Variants in NRL observed in about 807,000 individuals in gnomAD.
NRL encodes the protein neural retina leucine zipper, also known as neural retina-specific leucine zipper protein.
Under a neutral mutation model 12.5 loss-of-function variants are expected in NRL, and 16 were observed. The observed-to-expected ratio is 1.28, with a 90% CI of 0.87 to 1.95. NRL has a LOEUF of 1.95. Ranked by LOEUF, NRL falls within the 30% of genes most tolerant of loss-of-function variation. The probability of loss-of-function intolerance (pLI) is 0.00; values close to 1 mark genes in which losing one functional copy is unlikely to be tolerated. For synonymous variants in NRL, 142 were observed against 150.9 expected, an observed-to-expected ratio of 0.94 and a Z score of 0.43; for missense variants, 314 against 325.8, an observed-to-expected ratio of 0.96 and a Z score of 0.28.
At chr14:24,102,700 G>T in intron 1 of NRL, 1 of 1,524,704 alleles carries the variant, frequency 6.6e-7, no homozygotes, top group Non-Finnish European at 9.0e-7. Context: ...GTATGTGTGT[G>T]TTGGGGGTCG....
At chr14:24,091,525 G>A (rs2138904206) in intron 1 of NRL, among the ~76,000 whole-genome samples, 1 of 152,320 alleles carries the variant, frequency 6.6e-6, no homozygotes, top group East Asian at 1.9e-4. Flanking sequence ...AAGATATCAT[G>A]TGATGGAAAG....
intron 1 of NRL, among the ~76,000 whole-genome samples, chr14:24,088,652 C>CTTTT (rs549787856): frequency 5.1e-5 from 7 of 137,708 alleles, no homozygotes; most frequent in African/African-American, 1.9e-4. Context: ...CTGAATTATA[C>CTTTT]TTTTTTTTTT....
intron 1 of NRL, among the ~76,000 whole-genome samples, chr14:24,088,594 T>C (rs998042350): frequency 6.6e-6 from 1 of 152,216 alleles, no homozygotes; most frequent in Non-Finnish European, 1.5e-5. Context: ...GTCAATATAT[T>C]TGTCAAGGTA....
At chr14:24,099,070 C>T (rs2037032691) in intron 1 of NRL, 2 of 1,604,146 alleles carry the variant, frequency 1.2e-6, no homozygotes, top group Non-Finnish European at 1.7e-6. Flanking sequence ...AGCCAGTGGC[C>T]GTGCAACCCA....
At chr14:24,110,385 A>G in intron 1 of NRL, 1 of 348,534 alleles carries the variant, frequency 2.9e-6, no homozygotes, top group Non-Finnish European at 6.0e-6. Flanking sequence ...CTGGGATTAC[A>G]GGTGTGAGCT....
At chr14:24,103,905 C>G in intron 1 of NRL, 1 of 1,614,188 alleles carries the variant, frequency 6.2e-7, no homozygotes, top group Non-Finnish European at 8.5e-7. Flanking sequence ...CAACCAGGAT[C>G]TGCCCAAAGA....
At chr14:24,100,105 AC>A in intron 1 of NRL, 1 of 1,612,496 alleles carries the variant, frequency 6.2e-7, no homozygotes, top group Non-Finnish European at 8.5e-7. Flanking sequence ...CACTATTTTT[AC>A]CAATGTGGCT....
At chr14:24,084,032 G>A (rs779609016) in intron 1 of NRL, among the ~76,000 whole-genome samples, 16 of 152,094 alleles carry the variant, frequency 1.1e-4, no homozygotes, top group East Asian at 1.9e-4. Flanking sequence ...CAGAAGGTGC[G>A]CGGCATGGAG....
At position 24,079,626 on chromosome 14, in the gene NRL, G is replaced by A. The variant is rs1439269098; in HGVS notation, c.*1610C>T. Among the ~76,000 whole-genome samples the A allele has an allele frequency of 6.6e-6, 1 of 151,874 alleles. No homozygotes were observed. The highest frequency in any genetic ancestry group is 2.4e-5 in the African/African-American group (1 of 41,320). On this transcript the variant is annotated 3_prime_UTR_variant, in exon 3 of 3. Transcript: ENST00000561028. The stretch of plus-strand genomic sequence containing the variant: ...GGGAGCAAGAACTGTGATGGGAAGA[G>A]AAGAGACAGCTGGGGAGGGGGTGGA...
chr14:24,094,684 A>C lies in NRL; in HGVS notation c.-27-11809T>G. 6.6e-7 allele frequency: 1 copy of C among 1,519,376 alleles called. No homozygotes were observed. The allele number at this position is 1,519,376 out of a possible 1,614,324, so 94.1% of individuals were successfully genotyped here. ...GCTCGCCTCTGACCGCGCGATCTCT[A>C]TCTGCCACTCTCAGAACTTCCTCTC... On this transcript the variant is annotated intron_variant, in intron 1 of 2. Transcript: ENST00000561028. The surrounding 1 kb of genome is among the most constrained non-coding windows in gnomAD (Gnocchi z 4.1).
chr14:24,084,658 T>G (rs1489747230), intron 1 of NRL: 8 of 985,452 alleles, frequency 8.1e-6, no homozygotes, highest in Non-Finnish European at 9.6e-6. Flanking sequence ...CCAAAGGGCA[T>G]TCTTAAAGGG....
At chr14:24,105,513 T>G (rs1303162353) in intron 1 of NRL, among the ~76,000 whole-genome samples, 1 of 152,252 alleles carries the variant, frequency 6.6e-6, no homozygotes, top group East Asian at 1.9e-4. Flanking sequence ...GTCAAGTAAT[T>G]TGTCCAAAGC....
chr14:24,104,124 T>C, intron 1 of NRL: 1 of 615,560 alleles, frequency 1.6e-6, no homozygotes, highest in Non-Finnish European at 2.9e-6. Flanking sequence ...TTATCTATTT[T>C]ACACAAGATT....
At chr14:24,111,500 A>G (rs115586866) in intron 1 of NRL, among the ~76,000 whole-genome samples, 7,741 of 149,542 alleles carry the variant, frequency 0.052, 302 homozygotes, top group East Asian at 0.16. Context: ...CAGCCTCTCG[A>G]GTGGCTGGGA....
rs1051684077 is a variant in NRL, at chr14:24,097,247, G to A, written c.-27-14372C>T. The A allele has an allele frequency of 1.6e-5, 17 of 1,031,754 alleles. 1 individual carries two copies. Among genetic ancestry groups the A allele is most frequent in the Non-Finnish European group, 2.3e-5 (16 of 691,876 alleles). 63.9% of individuals were successfully genotyped at this position (1,031,754 alleles called of 1,614,324 possible). ...ATCCCAATGGAATGAACAAGAATGAGAGCTTTGGGGTAAACAGACCCAGAA... is the reference window on the plus strand; with the variant it reads ...ATCCCAATGGAATGAACAAGAATGAAAGCTTTGGGGTAAACAGACCCAGAA... On this transcript the variant is annotated intron_variant, in intron 1 of 2. Transcript: ENST00000561028.
intron 1 of NRL, among the ~76,000 whole-genome samples, chr14:24,111,774 G>A (rs550054002): frequency 1.5e-4 from 22 of 150,178 alleles, no homozygotes; most frequent in East Asian, 5.9e-4. Flanking sequence ...CAATCATGTC[G>A]TCTGCAAACA....
At position 24,081,932 on chromosome 14, in the gene NRL, G is replaced by A; in HGVS notation, c.382-364C>T. On this transcript the variant is annotated intron_variant, in intron 2 of 2. Coordinates refer to ENST00000561028, the MANE Select transcript of NRL (RefSeq NM_001354768.3). The surrounding 1 kb of genome is among the most constrained non-coding windows in gnomAD (Gnocchi z 4.4). ...CCCAGACAGCCCCCAACCCTCCAAC[G>A]CGCTGCGTTTCCCTGTCCTGAAGCC... 5 of 1,262,726 alleles carry A rather than the reference G, an allele frequency of 4.0e-6. No homozygotes were observed. The highest frequency in any genetic ancestry group is 5.0e-6 in the Non-Finnish European group (5 of 992,828). The allele number at this position is 1,262,726 out of a possible 1,614,324, so 78.2% of individuals were successfully genotyped here.
intron 1 of NRL, chr14:24,098,626 T>C: frequency 1.9e-6 from 3 of 1,614,028 alleles, no homozygotes; most frequent in East Asian, 2.2e-5. Context: ...CCCTGGGAGA[T>C]GGTGACTTTG....
chr14:24,091,210 G>A (rs1458358246), intron 1 of NRL, among the ~76,000 whole-genome samples: 2 of 151,740 alleles, frequency 1.3e-5, no homozygotes, highest in East Asian at 3.9e-4. Flanking sequence ...GAGTGCAGTG[G>A]TGCGATCTCG....
Sources: allele counts gnomAD v4.1 joint callset (sites outside exome capture counted in the v4.1 genomes callset), GRCh38; gene constraint gnomAD v4.1.1; non-coding constraint Gnocchi (gnomAD v3.1); transcripts MANE v1.5; gene names NCBI Gene and HGNC (gene_info 2026-07-23, HGNC 2026-07-21).